GFRA2: variants seen among roughly 807,000 people sequenced by gnomAD.
GFRA2 encodes GDNF family receptor alpha 2, also known as GDNF family receptor alpha-2.
A neutral mutation model predicts 48.3 loss-of-function variants in GFRA2; 17 were observed. That is an observed-to-expected ratio of 0.35 (90% CI 0.24 to 0.53). GFRA2 has a LOEUF of 0.53. Ranked by LOEUF, GFRA2 falls within the 20% of genes least tolerant of loss-of-function variation. The probability of loss-of-function intolerance (pLI) is 0.93; values close to 1 mark genes in which losing one functional copy is unlikely to be tolerated. For synonymous variants in GFRA2, 305 were observed against 257.2 expected (o/e 1.19, Z -1.78); for missense variants, 660 against 637.3 (o/e 1.04, Z -0.38).
intron 8 of GFRA2, among the ~76,000 whole-genome samples, chr8:21,694,231 T>G (rs1802043939): frequency 6.6e-6 from 1 of 151,686 alleles, no homozygotes; most frequent in Non-Finnish European, 1.5e-5. Context: ...GGAGGGCCTC[T>G]GCTCAGAGCA....
At chr8:21,698,392 G>A (rs1234272388) in intron 7 of GFRA2, among the ~76,000 whole-genome samples, 1 of 152,214 alleles carries the variant, frequency 6.6e-6, no homozygotes, top group Non-Finnish European at 1.5e-5. Context: ...GGGATGCTCT[G>A]TTGCCCAGGA....
chr8:21,775,314 C>T (rs368358506), intron 2 of GFRA2, among the ~76,000 whole-genome samples: 5 of 152,348 alleles, frequency 3.3e-5, no homozygotes, highest in East Asian at 3.9e-4. Flanking sequence ...AACTGCCTGA[C>T]GCTTCTCTCT....
chr8:21,741,151 C>T (rs1474046492), intron 4 of GFRA2, among the ~76,000 whole-genome samples: 1 of 152,178 alleles, frequency 6.6e-6, no homozygotes. Context: ...CAACTGTACT[C>T]AGAAGTCCAA....
rs1807071560 is a variant in GFRA2 at position 21,782,720 on chromosome 8, C to T, written c.220G>A (p.Ala74Thr). ...AAGGCCGCCTGGCACTCCTTGTTGG[C>T]CAGCATGGTGTTGCGGTCGCGGCCT... is the stretch of plus-strand genomic sequence containing the variant. ...LAGRDRNTML[A>T]NKECQAALEV... is the part of the protein sequence containing the mutation. Residue 74 changes from alanine (A) to threonine (T), a missense_variant, in exon 2 of 9, where the codon GCC becomes ACC. Transcript: ENST00000524240. 2 of 1,597,386 alleles carry T rather than the reference C, an allele frequency of 1.3e-6. No individual in the cohort carries two copies. Among genetic ancestry groups the T allele is most frequent in the Middle Eastern group, 1.7e-4 (1 of 6,042 alleles).
intron 3 of GFRA2, among the ~76,000 whole-genome samples, chr8:21,767,778 T>C (rs1806249430): frequency 6.6e-6 from 1 of 152,212 alleles, no homozygotes; most frequent in Non-Finnish European, 1.5e-5. Flanking sequence ...AATACCACCA[T>C]GAAAGAGGCT....
chr8:21,728,428 C>T (rs1804001783), intron 4 of GFRA2, among the ~76,000 whole-genome samples: 1 of 151,988 alleles, frequency 6.6e-6, no homozygotes. Context: ...GCACATACCA[C>T]CACACCCGGC....
intron 4 of GFRA2, among the ~76,000 whole-genome samples, chr8:21,733,792 G>A (rs1012291404): frequency 2.0e-5 from 3 of 152,148 alleles, no homozygotes; most frequent in African/African-American, 7.2e-5. Flanking sequence ...CCGACCCCGC[G>A]CAGTTAGAGG....
chr8:21,782,551 C>A, intron 2 of GFRA2, 34 bp downstream of exon 2: 4 of 1,500,320 alleles, frequency 2.7e-6, no homozygotes, highest in Middle Eastern at 2.1e-4. Context: ...TGCGCCACAC[C>A]CCCTCCCCTT....
At chr8:21,774,430 CAA>C (rs377533219) in intron 3 of GFRA2, among the ~76,000 whole-genome samples, 9,594 of 152,182 alleles carry the variant, frequency 0.063, 310 homozygotes, top group Non-Finnish European at 0.073. Flanking sequence ...GAAGAGCCCT[CAA>C]GAGAGAGGGA....
At chr8:21,740,233 C>T (rs1039517954) in intron 4 of GFRA2, among the ~76,000 whole-genome samples, 1 of 152,196 alleles carries the variant, frequency 6.6e-6, no homozygotes, top group Non-Finnish European at 1.5e-5. Context: ...AAAGCCAAAC[C>T]ACTGTTGAGC....
chr8:21,809,381 G>C (rs551414827), intron 1 of GFRA2, among the ~76,000 whole-genome samples: 5 of 152,230 alleles, frequency 3.3e-5, no homozygotes, highest in Non-Finnish European at 7.3e-5. Context: ...CTGGAGTGCA[G>C]TGGCGCGATC....
chr8:21,695,045 G>A (rs970740034), intron 7 of GFRA2, among the ~76,000 whole-genome samples: 7 of 152,184 alleles, frequency 4.6e-5, no homozygotes, highest in Non-Finnish European at 1.0e-4. Context: ...GGGAAGAGAG[G>A]CATGATTGAT....
chr8:21,749,757 G>A (rs73669543), intron 4 of GFRA2, among the ~76,000 whole-genome samples: 10,226 of 151,234 alleles, frequency 0.068, 438 homozygotes, highest in Non-Finnish European at 0.087. Context: ...GGGTCCTGGA[G>A]TCGGACGGTC....
intron 2 of GFRA2, among the ~76,000 whole-genome samples, chr8:21,777,919 T>C (rs1461683965): frequency 6.6e-6 from 1 of 152,152 alleles, no homozygotes; most frequent in Non-Finnish European, 1.5e-5. Context: ...CAGTTCAGAC[T>C]CTAGAAGCTC....
chr8:21,761,347 C>T (rs541738230), intron 3 of GFRA2, among the ~76,000 whole-genome samples: 52 of 152,350 alleles, frequency 3.4e-4, no homozygotes, highest in African/African-American at 1.2e-3. Context: ...CATTCTAGCT[C>T]AGGTGAGAGA....
chr8:21,782,773 C>T lies in GFRA2; in HGVS notation c.167G>A (p.Arg56His). ...CAGGCACTGCCGCAGAGTGCGGTAG[C>T]GAGAGCTGCAGTTGGATTCGGCGGC... ...LCAAESNCSS[R>H]YRTLRQCLAG... Residue 56 changes from arginine (R) to histidine (H), a missense_variant, in exon 2 of 9, where the codon CGC becomes CAC. Coordinates refer to ENST00000524240, the MANE Select transcript of GFRA2 (RefSeq NM_001495.5). The T allele has an allele frequency of 1.9e-6, 3 of 1,591,824 alleles. No homozygotes were observed. The highest frequency in any genetic ancestry group is 1.1e-5 in the South Asian group (1 of 87,804).
At chr8:21,706,203 G>A (rs1299738268) in intron 4 of GFRA2, among the ~76,000 whole-genome samples, 162 bp from the exon 5 acceptor site, 1 of 152,154 alleles carries the variant, frequency 6.6e-6, no homozygotes, top group Non-Finnish European at 1.5e-5. Context: ...GTCTTTGTGG[G>A]GGCTCAATCT....
At position 21,711,732 on chromosome 8, in the gene GFRA2, G is replaced by T. The variant is rs1429210339; in HGVS notation, c.795-5691C>A. ...CATTCTTGGGTGTTTCTCGCAGAGGGGGATTTGGCAGGGTCATAAGACAAT... is the reference window on the plus strand; with the variant it reads ...CATTCTTGGGTGTTTCTCGCAGAGGTGGATTTGGCAGGGTCATAAGACAAT... On this transcript the variant is annotated intron_variant, in intron 4 of 8. Transcript: ENST00000524240. Among the ~76,000 whole-genome samples, 5 of 150,448 alleles carry T rather than the reference G, an allele frequency of 3.3e-5. No individual in the cohort carries two copies. The East Asian group carries it at 1.0e-3, about 30-fold the overall frequency.
At chr8:21,805,852 C>T (rs191100675) in intron 1 of GFRA2, among the ~76,000 whole-genome samples, 24 of 152,298 alleles carry the variant, frequency 1.6e-4, no homozygotes, top group African/African-American at 5.3e-4. Flanking sequence ...GATGAACAGC[C>T]AGCAGTTCCC....
Sources: allele counts gnomAD v4.1 joint callset (sites outside exome capture counted in the v4.1 genomes callset), GRCh38; gene constraint gnomAD v4.1.1; transcripts MANE v1.5; gene names NCBI Gene and HGNC (gene_info 2026-07-23, HGNC 2026-07-21).